SHISA5: variants seen among roughly 807,000 people sequenced by gnomAD.
The protein encoded by SHISA5 is protein shisa-5.
A neutral mutation model predicts 27.5 loss-of-function variants in SHISA5; 21 were observed. That is an observed-to-expected ratio of 0.76 (90% CI 0.54 to 1.10). SHISA5 has a LOEUF of 1.10. Among genes scored for constraint, SHISA5 ranks in the 50% least tolerant of loss-of-function variants. The probability of loss-of-function intolerance (pLI) is 0.00; values close to 1 mark genes in which losing one functional copy is unlikely to be tolerated. For missense variants in SHISA5, 314 were observed against 336.3 expected, an observed-to-expected ratio of 0.93 and a Z score of 0.52; for synonymous variants, 137 against 142.2, an observed-to-expected ratio of 0.96 and a Z score of 0.26.
At chr3:48,486,071 G>A (rs910870794) in intron 2 of SHISA5, among the ~76,000 whole-genome samples, 1 of 149,002 alleles carries the variant, frequency 6.7e-6, no homozygotes, top group Non-Finnish European at 1.5e-5. Context: ...ACTGCCAGAA[G>A]CAACCTAAAT....
At chr3:48,488,640 C>G (rs2041325577) in intron 2 of SHISA5, among the ~76,000 whole-genome samples, 1 of 150,868 alleles carries the variant, frequency 6.6e-6, no homozygotes, top group Admixed American at 6.6e-5. Flanking sequence ...TCGAGACCAG[C>G]CTGGCCAACA....
At chr3:48,503,253 C>T in intron 1 of SHISA5, 1 of 1,104,654 alleles carries the variant, frequency 9.1e-7, no homozygotes, top group Non-Finnish European at 1.2e-6. Flanking sequence ...CTCTCTGACC[C>T]CCAGACCTCA....
Position 48,473,680 on chromosome 3 carries a change from T to C in SHISA5, c.315-3837A>G. ...CGCCAGCTATGGCTCCTGTAGCTCT[T>C]GCGATTACAAAGGAATTTGCTTTAT... On this transcript the variant is annotated intron_variant, in intron 3 of 5. Coordinates refer to ENST00000296444, the MANE Select transcript of SHISA5 (RefSeq NM_016479.6). This position sits in a 1 kb window ranked among gnomAD's most constrained non-coding sequence, Gnocchi z 4.3. 1 of 1,044,116 alleles carries C rather than the reference T, an allele frequency of 9.6e-7. No individual in the cohort carries two copies. The highest frequency in any genetic ancestry group is 1.2e-6 in the Non-Finnish European group (1 of 817,324). 64.7% of individuals were successfully genotyped at this position (1,044,116 alleles called of 1,614,324 possible).
chr3:48,477,142 T>C lies in SHISA5; in HGVS notation c.314+2035A>G, dbSNP rs186365002. On this transcript the variant is annotated intron_variant, in intron 3 of 5. Transcript: ENST00000296444. Reference sequence around the variant, plus strand: ...AAAAGAAACAGAACAACCCTTCACATGGATTCTCCAACTCCTTTTTTTTGT... The same window carrying C: ...AAAAGAAACAGAACAACCCTTCACACGGATTCTCCAACTCCTTTTTTTTGT... 666 of 428,742 alleles carry C rather than the reference T, an allele frequency of 1.6e-3. 9 individuals carry two copies. The Admixed American group carries it at 0.017, about 11-fold the overall frequency. The allele number at this position is 428,742 out of a possible 1,614,324, so 26.6% of individuals were successfully genotyped here.
rs1279279467 is a variant in SHISA5 at position 48,473,851 on chromosome 3, AG to A, written c.315-4009del. On this transcript the variant is annotated intron_variant, in intron 3 of 5. Transcript: ENST00000296444. This position sits in a 1 kb window ranked among gnomAD's most constrained non-coding sequence, Gnocchi z 4.3. The stretch of plus-strand genomic sequence containing the variant: ...CGAGGCTTTTGGGAAGCTTGAGCCC[AG>A]GAGTTCGAGACCAGCCTGGGCAACA... Among the ~76,000 whole-genome samples, 1 of 152,120 alleles carries A rather than the reference AG, an allele frequency of 6.6e-6. No homozygotes were observed. The highest frequency in any genetic ancestry group is 1.5e-5 in the Non-Finnish European group (1 of 68,008).
intron 2 of SHISA5, among the ~76,000 whole-genome samples, chr3:48,482,558 T>C (rs1397458082): frequency 1.3e-5 from 2 of 152,226 alleles, no homozygotes; most frequent in Admixed American, 6.5e-5. Flanking sequence ...CCAAATATGA[T>C]AGTGGTTATA....
chr3:48,485,850 T>C (rs2041202895), intron 2 of SHISA5, among the ~76,000 whole-genome samples: 1 of 151,340 alleles, frequency 6.6e-6, no homozygotes, highest in Admixed American at 6.7e-5. Flanking sequence ...GCTGAGAGGC[T>C]GAGCAGCACT....
chr3:48,503,771 C>T, intron 1 of SHISA5: 1 of 1,242,964 alleles, frequency 8.0e-7, no homozygotes, highest in African/African-American at 1.6e-5. Context: ...AGGGCAGACC[C>T]CTCCCCACCG....
intron 3 of SHISA5, 51 bp downstream of exon 3, chr3:48,479,126 C>A: frequency 1.3e-6 from 2 of 1,534,410 alleles, no homozygotes. Context: ...CCCCTGAGCC[C>A]TCTTGTCACC....
chr3:48,477,184 T>C (rs902995959), intron 3 of SHISA5: 9 of 407,440 alleles, frequency 2.2e-5, no homozygotes, highest in African/African-American at 1.7e-4. Flanking sequence ...AACCTCTGCC[T>C]CCTGGGTTCA....
In SHISA5 at chr3:48,494,709, A is replaced by G. The variant is rs1036233469; in HGVS notation, c.233+6428T>C. Among the ~76,000 whole-genome samples, 2 of 147,774 alleles carry G rather than the reference A, an allele frequency of 1.4e-5. 1 individual carries two copies. Among genetic ancestry groups the G allele is most frequent in the African/African-American group, 5.3e-5 (2 of 37,480 alleles). ...ATTGCATACTTTGGCTATTGTGATA[A>G]TGCTGCAATGAACAAGGGAGAGCAG... On this transcript the variant is annotated intron_variant, in intron 2 of 5. Transcript: ENST00000296444.
At position 48,470,908 on chromosome 3, in the gene SHISA5, A is replaced by AG. The variant is rs1325580906; in HGVS notation, c.315-1066dup. On this transcript the variant is annotated intron_variant, in intron 3 of 5. Transcript: ENST00000296444. This position sits in a 1 kb window ranked among gnomAD's most constrained non-coding sequence, Gnocchi z 4.3. ...CGCCATTGCACTCCAGCCTGGGGAC[A>AG]GGAGCAAAACTCTGTCTCAAAAATG... is the stretch of plus-strand genomic sequence containing the variant. 6.6e-6 allele frequency among the ~76,000 whole-genome samples: 1 copy of AG among 151,702 alleles called. No individual in the cohort carries two copies. The highest frequency in any genetic ancestry group is 2.4e-5 in the African/African-American group (1 of 41,212).
rs368185426 is a variant in SHISA5, at chr3:48,477,628, G to A, written c.314+1549C>T. ...TAAAACTCTCCAAGGAGTTGCCTGCGACCAGCATACAATTTCCAACTGCTC... is the reference window on the plus strand; with the variant it reads ...TAAAACTCTCCAAGGAGTTGCCTGCAACCAGCATACAATTTCCAACTGCTC... On this transcript the variant is annotated intron_variant, in intron 3 of 5. Coordinates refer to ENST00000296444, the MANE Select transcript of SHISA5 (RefSeq NM_016479.6). Among the ~76,000 whole-genome samples, 8 of 152,280 alleles carry A rather than the reference G, an allele frequency of 5.3e-5. No homozygotes were observed. The East Asian group carries it at 1.5e-3, about 29-fold the overall frequency.
intron 2 of SHISA5, among the ~76,000 whole-genome samples, chr3:48,486,020 G>T (rs2041207601): frequency 1.3e-5 from 2 of 150,578 alleles, no homozygotes; most frequent in African/African-American, 4.9e-5. Flanking sequence ...AATAATTTCA[G>T]TCTCTACAAC....
rs898928748 is a variant in SHISA5 at position 48,485,234 on chromosome 3, G to A, written c.234-5977C>T. On this transcript the variant is annotated intron_variant, in intron 2 of 5. Transcript: ENST00000296444. ...TGTGAGACCGGGCACGGTGGCTCAC[G>A]CCTGTAATCCCAGCACTTTGGGAGG... Among the ~76,000 whole-genome samples the A allele has an allele frequency of 3.9e-5, 6 of 152,016 alleles. No individual in the cohort carries two copies. The South Asian group carries it at 1.0e-3, about 26-fold the overall frequency.
At chr3:48,504,382 G>A (rs2041843543), upstream of SHISA5, 1 of 304,670 alleles carries the variant, frequency 3.3e-6, no homozygotes, top group Non-Finnish European at 6.0e-6. This position sits in a 1 kb window ranked among gnomAD's most constrained non-coding sequence, Gnocchi z 4.0. Flanking sequence ...TCCCAGACTC[G>A]GACAGGCGCC....
intron 2 of SHISA5, 167 bp from the exon 3 acceptor site, chr3:48,479,424 C>T: frequency 1.6e-6 from 1 of 622,050 alleles, no homozygotes; most frequent in Non-Finnish European, 2.9e-6. Flanking sequence ...TAGCACAAAG[C>T]CACACATCCT....
chr3:48,487,170 G>C (rs2041278183), intron 2 of SHISA5, among the ~76,000 whole-genome samples: 1 of 151,762 alleles, frequency 6.6e-6, no homozygotes, highest in South Asian at 2.1e-4. Context: ...CCACACAGAT[G>C]CGCCTGCCAA....
intron 2 of SHISA5, among the ~76,000 whole-genome samples, chr3:48,493,948 C>T (rs907496800): frequency 1.4e-5 from 2 of 147,670 alleles, no homozygotes; most frequent in African/African-American, 2.7e-5. Context: ...CATTACTTCA[C>T]GTACTTACCT....
Sources: gnomAD v4.1 joint callset for allele counts (sites outside exome capture counted in the v4.1 genomes callset) on GRCh38, gnomAD v4.1.1 for gene constraint, Gnocchi (gnomAD v3.1) non-coding constraint, MANE v1.5 for transcripts, NCBI Gene and HGNC (gene_info 2026-07-23, HGNC 2026-07-21) for gene names.